TCHP: variants seen among roughly 807,000 people sequenced by gnomAD.
The protein encoded by TCHP is trichoplein keratin filament-binding protein.
A neutral mutation model predicts 88.7 loss-of-function variants in TCHP; 81 were observed. The observed-to-expected ratio is 0.91, with a 90% CI of 0.76 to 1.10. TCHP has a LOEUF of 1.10. TCHP is among the 50% of genes least tolerant of loss of function. The pLI is 0.00. For missense variants in TCHP, 641 were observed against 632.1 expected, an observed-to-expected ratio of 1.01 and a Z score of -0.15; for synonymous variants, 232 against 232.5, an observed-to-expected ratio of 1.00 and a Z score of 0.02.
chr12:109,882,680 A>C, the TCHP span, among the ~76,000 whole-genome samples: 1 of 101,026 alleles, frequency 9.9e-6, no homozygotes, highest in Non-Finnish European at 1.8e-5. Flanking sequence ...TTTGAGATGG[A>C]GTCTCACTCT....
the TCHP span, among the ~76,000 whole-genome samples, chr12:109,895,043 G>A: frequency 6.6e-6 from 1 of 152,026 alleles, no homozygotes; most frequent in African/African-American, 2.4e-5. Flanking sequence ...TGAGGAACTG[G>A]GAGGAGGTGG....
At chr12:109,892,997 T>TCCCCATTTCTGAGC in the TCHP span, among the ~76,000 whole-genome samples, 1 of 152,098 alleles carries the variant, frequency 6.6e-6, no homozygotes, top group Non-Finnish European at 1.5e-5. Context: ...AGGCACACAC[T>TCCCCATTTCTGAGC]CCCCATTTCT....
At chr12:109,909,444 G>A (rs1870357825) in intron 8 of TCHP, among the ~76,000 whole-genome samples, 1 of 152,190 alleles carries the variant, frequency 6.6e-6, no homozygotes, top group Non-Finnish European at 1.5e-5. Flanking sequence ...CATACAGAGA[G>A]GTGGAGGTTT....
At chr12:109,907,500 A>ACCT (rs3830479) in intron 5 of TCHP, 26 bp from the exon 6 acceptor site, 154,531 of 1,611,078 alleles carry the variant, frequency 0.096, 13,201 homozygotes, top group African/African-American at 0.46. Flanking sequence ...ACAGATATTG[A>ACCT]CCTGTGTTCA....
At chr12:109,886,634 C>T in the TCHP span, among the ~76,000 whole-genome samples, 1 of 152,164 alleles carries the variant, frequency 6.6e-6, no homozygotes, top group African/African-American at 2.4e-5. Flanking sequence ...AGCCCTGGTT[C>T]TTTTCGGTGG....
At chr12:109,912,897 A>G (rs1431049136) in intron 9 of TCHP, 94 bp from the exon 10 acceptor site, 4 of 954,918 alleles carry the variant, frequency 4.2e-6, no homozygotes, top group Non-Finnish European at 6.8e-6. Flanking sequence ...GTGGTCCTGC[A>G]GAAGCCATGT....
chr12:109,912,643 T>G (rs1193013862), intron 9 of TCHP, among the ~76,000 whole-genome samples: 1 of 151,956 alleles, frequency 6.6e-6, no homozygotes, highest in Non-Finnish European at 1.5e-5. Flanking sequence ...ATACAGTAAT[T>G]GGCCAGACAT....
intron 8 of TCHP, among the ~76,000 whole-genome samples, 198 bp from the exon 9 acceptor site, chr12:109,910,865 G>T (rs1231934057): frequency 6.6e-6 from 1 of 152,204 alleles, no homozygotes; most frequent in Non-Finnish European, 1.5e-5. Context: ...GGCCTGTGCA[G>T]TGTCTGAACC....
Position 109,908,885 on chromosome 12 carries a change from A to G in TCHP, c.827A>G (p.His276Arg). Residue 276 changes from histidine to arginine, a missense_variant, in exon 8 of 13, where the codon CAT becomes CGT. Coordinates refer to ENST00000405876, the MANE Select transcript of TCHP (RefSeq NM_001143852.2). ...TTCTCCTTCAGGCGTTTCTTGAGACATCAGTATAACGCTCAACTCAGCAGA... is the reference window on the plus strand; with the variant it reads ...TTCTCCTTCAGGCGTTTCTTGAGACGTCAGTATAACGCTCAACTCAGCAGA... ...QKAELGRFLR[H>R]QYNAQLSRRT... 6.2e-7 allele frequency: 1 copy of G among 1,614,250 alleles called. No homozygotes were observed.
At chr12:109,913,175 C>T in intron 10 of TCHP, 103 bp downstream of exon 10, 1 of 1,014,402 alleles carries the variant, frequency 9.9e-7, no homozygotes. Flanking sequence ...ACAGAGTCTT[C>T]TCTGGTCATT....
intron 12 of TCHP, 25 bp from the exon 13 acceptor site, chr12:109,916,564 ACT>A: frequency 6.2e-7 from 1 of 1,608,910 alleles, no homozygotes; most frequent in Non-Finnish European, 8.5e-7. Flanking sequence ...TGATCTGATC[ACT>A]CTTATGTTTT....
At chr12:109,881,128 G>A in the TCHP span, among the ~76,000 whole-genome samples, 2 of 152,194 alleles carry the variant, frequency 1.3e-5, no homozygotes, top group African/African-American at 4.8e-5. Flanking sequence ...TTGTGAGGCA[G>A]AAAAATAGGG....
At chr12:109,910,830 C>T (rs1279739976) in intron 8 of TCHP, among the ~76,000 whole-genome samples, 1 of 152,152 alleles carries the variant, frequency 6.6e-6, no homozygotes, top group Admixed American at 6.6e-5. Context: ...GGCTGGGTCT[C>T]CCTTTAGCCA....
At position 109,903,962 on chromosome 12, in the gene TCHP, A is replaced by G; in HGVS notation, c.214A>G (p.Met72Val). 6.2e-7 allele frequency: 1 copy of G among 1,609,752 alleles called. No homozygotes were observed. The highest frequency in any genetic ancestry group is 1.1e-5 in the South Asian group (1 of 89,956). The change falls in exon 3 of 13, where the codon ATG (methionine) becomes GTG (valine). Residue 72 changes from methionine (M) to valine (V), a missense_variant. Coordinates refer to ENST00000405876, the MANE Select transcript of TCHP (RefSeq NM_001143852.2). The surrounding 1 kb of genome is among the most constrained non-coding windows in gnomAD (Gnocchi z 4.6). ...CATGCATGCCTATCAGCGGGAGAAG[A>G]TGAAGGAGGAGAAGAGGAGGAGTCT... is the stretch of plus-strand genomic sequence containing the variant. ...RSMHAYQREK[M>V]KEEKRRSLEA...
At chr12:109,907,127 A>G (rs372967929) in intron 5 of TCHP, among the ~76,000 whole-genome samples, 22 of 152,090 alleles carry the variant, frequency 1.4e-4, no homozygotes, top group African/African-American at 4.1e-4. Flanking sequence ...GCCTTAAACG[A>G]TTCTCCCACC....
At position 109,914,558 on chromosome 12, in the gene TCHP, G is replaced by C; in HGVS notation, c.1251G>C (p.Glu417Asp). 1 of 1,614,004 alleles carries C rather than the reference G, an allele frequency of 6.2e-7. No individual in the cohort carries two copies. Among genetic ancestry groups the C allele is most frequent in the Non-Finnish European group, 8.5e-7 (1 of 1,180,020 alleles). ...QLIRNLEEVR[E>D]LARREKEESE... ...TTCGAAATCTTGAGGAGGTGAGAGA[G>C]TTGGCTCGTCGCGAGAAAGAGGAGA... Residue 417 changes from glutamate to aspartate, a missense_variant, in exon 11 of 13, where the codon GAG becomes GAC. Glu to Asp is a conservative substitution (Grantham distance 45). Coordinates refer to ENST00000405876, the MANE Select transcript of TCHP (RefSeq NM_001143852.2).
chr12:109,896,749 G>GA (rs35304841), upstream of TCHP, among the ~76,000 whole-genome samples: 4 of 151,596 alleles, frequency 2.6e-5, no homozygotes, highest in East Asian at 3.9e-4. Flanking sequence ...CAACTCTACT[G>GA]AAAAAAAATA....
chr12:109,905,030 T>C lies in TCHP; in HGVS notation c.456+237T>C. ...GGTCTGCCAGGTGCGGGCATGGAGA[T>C]TAGACATGGTTTCTGCTCATTAGCT... On this transcript the variant is annotated intron_variant, in intron 4 of 12. Coordinates refer to ENST00000405876, the MANE Select transcript of TCHP (RefSeq NM_001143852.2). This position sits in a 1 kb window ranked among gnomAD's most constrained non-coding sequence, Gnocchi z 4.0. The C allele has an allele frequency of 1.9e-6, 1 of 526,302 alleles. No homozygotes were observed. The highest frequency in any genetic ancestry group is 3.4e-6 in the Non-Finnish European group (1 of 295,504). The allele number at this position is 526,302 out of a possible 1,614,324, so 32.6% of individuals were successfully genotyped here.
At chr12:109,894,184 TAA>T in the TCHP span, among the ~76,000 whole-genome samples, 20,159 of 134,872 alleles carry the variant, frequency 0.15, 2,024 homozygotes, top group African/African-American at 0.31. Flanking sequence ...GACTCAGTCT[TAA>T]AAAAAAAAAA....
Sources: gnomAD v4.1 joint callset for allele counts (sites outside exome capture counted in the v4.1 genomes callset) on GRCh38, gnomAD v4.1.1 for gene constraint, Gnocchi (gnomAD v3.1) non-coding constraint, MANE v1.5 for transcripts, NCBI Gene and HGNC (gene_info 2026-07-23, HGNC 2026-07-21) for gene names.